Variants in TNIP1 observed in about 807,000 individuals in gnomAD.
The protein encoded by TNIP1 is TNFAIP3-interacting protein 1.
Under a neutral mutation model 86.6 loss-of-function variants are expected in TNIP1, and 22 were observed. That is an observed-to-expected ratio of 0.25 (90% confidence interval 0.18 to 0.36). The LOEUF (loss-of-function observed/expected upper bound fraction) is 0.36. Among genes scored for constraint, TNIP1 ranks in the 10% least tolerant of loss-of-function variants. The probability of loss-of-function intolerance (pLI) is 1.00; values close to 1 mark genes in which losing one functional copy is unlikely to be tolerated. For synonymous variants in TNIP1, 294 were observed against 313.0 expected (o/e 0.94, Z 0.64); for missense variants, 709 against 820.6 (o/e 0.86, Z 1.66).
intron 1 of TNIP1, among the ~76,000 whole-genome samples, chr5:151,086,883 G>T (rs1166141661): frequency 6.6e-6 from 1 of 152,268 alleles, no homozygotes; most frequent in Non-Finnish European, 1.5e-5. Flanking sequence ...GGAGAAGGAG[G>T]CTGGGTGAGG....
chr5:151,063,825 C>A, intron 2 of TNIP1, 78 bp from the exon 3 acceptor site: 2 of 1,549,226 alleles, frequency 1.3e-6, no homozygotes, highest in South Asian at 2.4e-5. Context: ...AGGCCCCTAA[C>A]CGTGCTGCCG....
intron 1 of TNIP1, among the ~76,000 whole-genome samples, chr5:151,080,594 C>T (rs1763897821): frequency 6.6e-6 from 1 of 152,252 alleles, no homozygotes; most frequent in African/African-American, 2.4e-5. Flanking sequence ...CGCAGCGCCG[C>T]CCGCACCCGG....
chr5:151,040,249 C>A (rs984226175), intron 11 of TNIP1, among the ~76,000 whole-genome samples: 1 of 152,184 alleles, frequency 6.6e-6, no homozygotes, highest in Non-Finnish European at 1.5e-5. Context: ...TAGGGAGGGC[C>A]TGGGATCATG....
At chr5:151,077,262 G>A (rs533275111) in intron 1 of TNIP1, among the ~76,000 whole-genome samples, 1 of 152,326 alleles carries the variant, frequency 6.6e-6, no homozygotes, top group Non-Finnish European at 1.5e-5. Context: ...TATGAGGGCA[G>A]AGCTGACAAT....
chr5:151,045,317 T>C (rs1056519885), intron 9 of TNIP1, among the ~76,000 whole-genome samples: 9 of 152,166 alleles, frequency 5.9e-5, no homozygotes, highest in Non-Finnish European at 1.2e-4. Flanking sequence ...CCCGAACCTC[T>C]GACCTCAGGT....
At chr5:151,059,814 AGAGAGAGAGAGAGAGTGT>A (rs1401109212) in intron 5 of TNIP1, among the ~76,000 whole-genome samples, 172 of 115,180 alleles carry the variant, frequency 1.5e-3, no homozygotes, top group African/African-American at 7.0e-3. Flanking sequence ...AGAGAGAGAG[AGAGAGAGAGAGAGAGTGT>A]GTGTGTGTGT....
intron 1 of TNIP1, among the ~76,000 whole-genome samples, chr5:151,073,917 G>A (rs910172730): frequency 2.0e-5 from 3 of 151,718 alleles, no homozygotes; most frequent in African/African-American, 4.8e-5. Context: ...AAGAAAAGAA[G>A]AAAAGAAAAA....
At position 151,033,816 on chromosome 5, in the gene TNIP1, C is replaced by T. The variant is rs572940734; in HGVS notation, c.1588-17G>A. 1.3e-5 allele frequency: 18 copies of T among 1,372,598 alleles called. No homozygotes were observed. The Admixed American group carries it at 2.0e-4, about 16-fold the overall frequency. 85.0% of individuals were successfully genotyped at this position (1,372,598 alleles called of 1,614,324 possible). A position where few individuals can be genotyped will look rare whatever the true frequency, so the allele number is the denominator to read the frequency against. ...TCCTGAGGCCTGCAAGAAAGGCTGACGTCTGGCTTTGGCCTGCAACAGGCT... is the reference window on the plus strand; with the variant it reads ...TCCTGAGGCCTGCAAGAAAGGCTGATGTCTGGCTTTGGCCTGCAACAGGCT... On this transcript the variant is annotated splice_polypyrimidine_tract_variant and intron_variant, in intron 15 of 17. Coordinates refer to ENST00000521591, the MANE Select transcript of TNIP1 (RefSeq NM_006058.5).
At chr5:151,070,871 C>T (rs1762750022) in intron 1 of TNIP1, among the ~76,000 whole-genome samples, 1 of 152,034 alleles carries the variant, frequency 6.6e-6, no homozygotes, top group South Asian at 2.1e-4. Context: ...TGCCATTCCA[C>T]ATTTGTCCAA....
At chr5:151,057,061 CCT>C (rs1012594986) in intron 5 of TNIP1, 104 bp from the exon 6 acceptor site, 26 of 1,169,144 alleles carry the variant, frequency 2.2e-5, no homozygotes, top group Middle Eastern at 3.2e-4. Context: ...TCAGTTTCCC[CCT>C]GTGACCCCAG....
At chr5:151,082,961 T>G (rs1457375335), upstream of TNIP1, among the ~76,000 whole-genome samples, 1 of 152,196 alleles carries the variant, frequency 6.6e-6, no homozygotes, top group Non-Finnish European at 1.5e-5. Context: ...CTGAGTCCTC[T>G]GTCTAGAAAA....
chr5:151,080,366 T>C (rs543747800), intron 1 of TNIP1: 14 of 152,314 alleles, frequency 9.2e-5, no homozygotes, highest in African/African-American at 3.4e-4. Flanking sequence ...TTTCCTAAAG[T>C]ATAAAATGGA....
intron 8 of TNIP1, among the ~76,000 whole-genome samples, chr5:151,046,783 A>G (rs550136688): frequency 7.2e-5 from 11 of 152,372 alleles, no homozygotes; most frequent in African/African-American, 2.6e-4. Flanking sequence ...AATACATCAC[A>G]ATAGTATTGG....
intron 11 of TNIP1, among the ~76,000 whole-genome samples, chr5:151,040,466 G>A (rs1448477649): frequency 1.3e-5 from 2 of 152,156 alleles, no homozygotes; most frequent in South Asian, 2.1e-4. Flanking sequence ...AGAGGCTCCC[G>A]GATGGGCATG....
chr5:151,072,669 C>G (rs1480755111), intron 1 of TNIP1, among the ~76,000 whole-genome samples: 1 of 152,218 alleles, frequency 6.6e-6, no homozygotes, highest in Non-Finnish European at 1.5e-5. Context: ...GGACTGCCCC[C>G]CCTCCAGTCC....
chr5:151,073,257 A>C (rs947754224), intron 1 of TNIP1, among the ~76,000 whole-genome samples: 2 of 147,912 alleles, frequency 1.4e-5, no homozygotes, highest in African/African-American at 5.0e-5. Flanking sequence ...GTGTTTGAGG[A>C]GGTGTGAGTT....
intron 12 of TNIP1, 134 bp downstream of exon 12, chr5:151,038,962 CG>C (rs1758053327): frequency 8.0e-7 from 1 of 1,247,528 alleles, no homozygotes; most frequent in Admixed American, 2.9e-5. Flanking sequence ...GCAGAGCAGG[CG>C]GGAAACAGGA....
chr5:151,049,293 C>A (rs1429840527), intron 8 of TNIP1, among the ~76,000 whole-genome samples: 1 of 152,072 alleles, frequency 6.6e-6, no homozygotes, highest in Non-Finnish European at 1.5e-5. Context: ...AGTGCTGGGA[C>A]TAGAGGATAG....
At chr5:151,050,779 C>A (rs952277698) in intron 7 of TNIP1, among the ~76,000 whole-genome samples, 1 of 151,864 alleles carries the variant, frequency 6.6e-6, no homozygotes, top group Non-Finnish European at 1.5e-5. Flanking sequence ...CCACCACACA[C>A]CCCCACCCTC....
Sources: gnomAD v4.1 joint callset for allele counts (sites outside exome capture counted in the v4.1 genomes callset) on GRCh38, gnomAD v4.1.1 for gene constraint, MANE v1.5 for transcripts, NCBI Gene and HGNC (gene_info 2026-07-23, HGNC 2026-07-21) for gene names.